The following HPCAL1 variants were observed in gnomAD, a reference collection of about 807,000 sequenced individuals.
The protein encoded by HPCAL1 is hippocalcin-like protein 1.
Under a neutral mutation model 17.1 loss-of-function variants are expected in HPCAL1, and 8 were observed. The observed-to-expected ratio is 0.47, with a 90% CI of 0.27 to 0.84. The LOEUF is 0.84. HPCAL1 is among the 40% of genes least tolerant of loss of function. The probability of loss-of-function intolerance (pLI) is 0.13; values close to 1 mark genes in which losing one functional copy is unlikely to be tolerated. For synonymous variants in HPCAL1, 112 were observed against 111.4 expected (o/e 1.01, Z -0.03); for missense variants, 165 against 271.1 (o/e 0.61, Z 2.75).
chr2:10,356,935 A>G (rs1201092784), intron 1 of HPCAL1, among the ~76,000 whole-genome samples: 1 of 152,190 alleles, frequency 6.6e-6, no homozygotes, highest in Non-Finnish European at 1.5e-5. Context: ...GCAACATAGC[A>G]AGACCCCATT....
At chr2:10,417,963 G>C (rs1466884949) in intron 2 of HPCAL1, among the ~76,000 whole-genome samples, 2 of 151,298 alleles carry the variant, frequency 1.3e-5, no homozygotes, top group African/African-American at 4.9e-5. Flanking sequence ...GATCACTTGA[G>C]CACCGGAGGT....
chr2:10,332,556 G>A (rs1383916204), intron 1 of HPCAL1, among the ~76,000 whole-genome samples: 1 of 152,158 alleles, frequency 6.6e-6, no homozygotes, highest in African/African-American at 2.4e-5. Context: ...TCCCTAGCTG[G>A]GCTGCAGGCT....
chr2:10,340,622 G>A (rs1249306724), intron 1 of HPCAL1, among the ~76,000 whole-genome samples: 1 of 152,182 alleles, frequency 6.6e-6, no homozygotes, highest in Non-Finnish European at 1.5e-5. Context: ...GTCTGTAAGC[G>A]GCAGAGCTGG....
chr2:10,367,226 A>T lies in HPCAL1; in HGVS notation c.-110-29609A>T, dbSNP rs1379261777. On this transcript the variant is annotated intron_variant, in intron 1 of 4. Transcript: ENST00000307845. The surrounding 1 kb of genome is among the most constrained non-coding windows in gnomAD (Gnocchi z 4.4). ...ATAGGCTGAGACTTTTTACAGTTAG[A>T]TATTTAATATACAGATGACGGGCGG... is the stretch of plus-strand genomic sequence containing the variant. Among the ~76,000 whole-genome samples, 1 of 151,936 alleles carries T rather than the reference A, an allele frequency of 6.6e-6. No individual in the cohort carries two copies. The highest frequency in any genetic ancestry group is 2.1e-4 in the South Asian group (1 of 4,814).
Position 10,304,353 on chromosome 2 carries a change from C to T in HPCAL1, c.-111+1176C>T, listed in dbSNP as rs2125369873. Among the ~76,000 whole-genome samples, 1 of 152,140 alleles carries T rather than the reference C, an allele frequency of 6.6e-6. No individual in the cohort carries two copies. Among genetic ancestry groups the T allele is most frequent in the South Asian group, 2.1e-4 (1 of 4,814 alleles). ...GTAAAATTGGCGCTTCCCGCACATGCAGATCTCGGGCTCCCGGGGTGTCCC... is the reference window on the plus strand; with the variant it reads ...GTAAAATTGGCGCTTCCCGCACATGTAGATCTCGGGCTCCCGGGGTGTCCC... On this transcript the variant is annotated intron_variant, in intron 1 of 4. Coordinates refer to ENST00000307845, the MANE Select transcript of HPCAL1 (RefSeq NM_002149.4). This position sits in a 1 kb window ranked among gnomAD's most constrained non-coding sequence, Gnocchi z 4.1.
intron 1 of HPCAL1, among the ~76,000 whole-genome samples, chr2:10,381,081 C>A (rs1196196517): frequency 1.3e-5 from 2 of 152,338 alleles, no homozygotes; most frequent in Middle Eastern, 3.4e-3. Context: ...ACAGAGGCAG[C>A]CCCGGAGTTC....
chr2:10,409,614 A>G (rs1189464740), intron 2 of HPCAL1, among the ~76,000 whole-genome samples: 1 of 152,046 alleles, frequency 6.6e-6, no homozygotes. Flanking sequence ...GCTGGATAAG[A>G]AAGAGCACAA....
rs1475552136 is a variant in HPCAL1 at position 10,362,061 on chromosome 2, C to G, written c.-110-34774C>G. ...ATCTTATGAATTGGGATTCTCATCT[C>G]TTTTAAAATGAGGAAACTGAGGCTC... On this transcript the variant is annotated intron_variant, in intron 1 of 4. Transcript: ENST00000307845. This position sits in a 1 kb window ranked among gnomAD's most constrained non-coding sequence, Gnocchi z 5.0. 6.6e-6 allele frequency among the ~76,000 whole-genome samples: 1 copy of G among 152,168 alleles called. No individual in the cohort carries two copies. Among genetic ancestry groups the G allele is most frequent in the Non-Finnish European group, 1.5e-5 (1 of 68,034 alleles).
At chr2:10,403,321 A>C (rs564595181) in intron 2 of HPCAL1, among the ~76,000 whole-genome samples, 10 of 134,624 alleles carry the variant, frequency 7.4e-5, no homozygotes, top group Admixed American at 3.8e-4. Context: ...CTCAGGGGCC[A>C]CACTGTCCAA....
At chr2:10,313,884 G>T (rs993156773) in intron 1 of HPCAL1, among the ~76,000 whole-genome samples, 1 of 152,218 alleles carries the variant, frequency 6.6e-6, no homozygotes, top group Non-Finnish European at 1.5e-5. Context: ...TGTAATCCCA[G>T]CACTTTGGGA....
chr2:10,331,607 A>G lies in HPCAL1; in HGVS notation c.-111+28430A>G, dbSNP rs1471125160. ...TGAAGTCAGTGTGTGCTTTGGGCCC[A>G]GCTGCACTGTGCCCGGGGTCCAGGG... On this transcript the variant is annotated intron_variant, in intron 1 of 4. Transcript: ENST00000307845. The surrounding 1 kb of genome is among the most constrained non-coding windows in gnomAD (Gnocchi z 5.0). 6.6e-6 allele frequency among the ~76,000 whole-genome samples: 1 copy of G among 152,186 alleles called. No homozygotes were observed. The highest frequency in any genetic ancestry group is 1.5e-5 in the Non-Finnish European group (1 of 68,044).
intron 1 of HPCAL1, among the ~76,000 whole-genome samples, chr2:10,357,851 G>A (rs1208020717): frequency 3.4e-5 from 5 of 147,734 alleles, no homozygotes; most frequent in South Asian, 2.2e-4. Flanking sequence ...AAAAAAAAGC[G>A]TGCTATGCCA....
At chr2:10,414,915 C>T (rs1032605197) in intron 2 of HPCAL1, among the ~76,000 whole-genome samples, 1 of 152,222 alleles carries the variant, frequency 6.6e-6, no homozygotes, top group Admixed American at 6.5e-5. Flanking sequence ...GAACTAGAGA[C>T]ACCTAAGACA....
In HPCAL1 at chr2:10,367,344, G is replaced by A. The variant is rs1040963631; in HGVS notation, c.-110-29491G>A. Among the ~76,000 whole-genome samples, 3 of 151,706 alleles carry A rather than the reference G, an allele frequency of 2.0e-5. No homozygotes were observed. Among genetic ancestry groups the A allele is most frequent in the Non-Finnish European group, 4.4e-5 (3 of 67,918 alleles). On this transcript the variant is annotated intron_variant, in intron 1 of 4. Coordinates refer to ENST00000307845, the MANE Select transcript of HPCAL1 (RefSeq NM_002149.4). The surrounding 1 kb of genome is among the most constrained non-coding windows in gnomAD (Gnocchi z 4.4). ...TGCTCTGTCACCCAGGCTAGAGTGC[G>A]AGCTCGATCATAGCTCACTGCAACC...
chr2:10,408,602 C>T (rs1295451726), intron 2 of HPCAL1: 2 of 152,258 alleles, frequency 1.3e-5, no homozygotes, highest in Non-Finnish European at 2.9e-5. Flanking sequence ...GGAACCTTTT[C>T]CTTCTGCAGC....
chr2:10,349,260 G>C (rs531582804), intron 1 of HPCAL1, among the ~76,000 whole-genome samples: 6 of 152,212 alleles, frequency 3.9e-5, no homozygotes, highest in African/African-American at 1.4e-4. Flanking sequence ...AACATACTAA[G>C]AGGTAAGAAG....
chr2:10,421,273 A>G (rs1459672136), intron 3 of HPCAL1, among the ~76,000 whole-genome samples: 1 of 152,234 alleles, frequency 6.6e-6, no homozygotes, highest in Non-Finnish European at 1.5e-5. Context: ...ATGCCTATCA[A>G]CAGCTCTAGC....
chr2:10,387,197 A>C (rs1290356006), intron 1 of HPCAL1, among the ~76,000 whole-genome samples: 1 of 152,246 alleles, frequency 6.6e-6, no homozygotes, highest in Non-Finnish European at 1.5e-5. Flanking sequence ...TTCTGTGTTA[A>C]GGACCATGAG....
chr2:10,369,785 T>A (rs1358915028), intron 1 of HPCAL1, among the ~76,000 whole-genome samples: 5 of 152,214 alleles, frequency 3.3e-5, no homozygotes, highest in African/African-American at 1.2e-4. Context: ...CGTGTTCGGA[T>A]CCACTAGGGA....
Sources: gnomAD v4.1 joint callset for allele counts (sites outside exome capture counted in the v4.1 genomes callset) on GRCh38, gnomAD v4.1.1 for gene constraint, Gnocchi (gnomAD v3.1) non-coding constraint, MANE v1.5 for transcripts, NCBI Gene and HGNC (gene_info 2026-07-23, HGNC 2026-07-21) for gene names.